Variants in MTA3 observed in about 807,000 individuals in gnomAD.
MTA3 encodes metastasis-associated protein MTA3.
In MTA3, 34 loss-of-function variants were observed where a neutral mutation model predicts 83.5. The observed-to-expected ratio is 0.41, with a 90% CI of 0.31 to 0.54. The LOEUF (loss-of-function observed/expected upper bound fraction) is 0.54, where lower values mean the gene tolerates loss of function less well. Among genes scored for constraint, MTA3 ranks in the 20% least tolerant of loss-of-function variants. MTA3 has a pLI of 0.33. For synonymous variants in MTA3, 303 were observed against 252.7 expected (o/e 1.20, Z -1.89); for missense variants, 761 against 726.4 (o/e 1.05, Z -0.55).
chr2:42,622,378 CATGAGAGGGAG>C (rs1457343726), intron 4 of MTA3, among the ~76,000 whole-genome samples: 2 of 115,624 alleles, frequency 1.7e-5, no homozygotes, highest in Non-Finnish European at 3.2e-5. Context: ...TTCGGCTCGG[CATGAGAGGGAG>C]ACCGTGGGGA....
rs1553340692 is a variant in MTA3, at chr2:42,548,833, T to TATATATATA, written c.-140-21603_-140-21595dup. Among the ~76,000 whole-genome samples, 18 of 11,514 alleles carry TATATATATA rather than the reference T, an allele frequency of 1.6e-3. 1 individual carries two copies. The highest frequency in any genetic ancestry group is 4.1e-3 in the Admixed American group (2 of 482). The allele number at this position is 11,514 out of a possible 152,430, so 7.6% of individuals were successfully genotyped here. On this transcript the variant is annotated intron_variant, in intron 2 of 17. Transcript: ENST00000405592. ...AAAATATATATATATATATATAATA[T>TATATATATA]ATATATATATATAATATATATATAT... is the stretch of plus-strand genomic sequence containing the variant.
intron 2 of MTA3, among the ~76,000 whole-genome samples, chr2:42,577,805 C>CA (rs1679221774): frequency 1.3e-5 from 2 of 151,932 alleles, no homozygotes; most frequent in Admixed American, 6.6e-5. Flanking sequence ...CAAGAAGAGA[C>CA]AAAAATCACA....
At chr2:42,633,576 C>T (rs1686890135) in intron 4 of MTA3, among the ~76,000 whole-genome samples, 2 of 151,356 alleles carry the variant, frequency 1.3e-5, no homozygotes, top group South Asian at 4.2e-4. Context: ...GAGATCCTGT[C>T]TCAAAAAAGA....
intron 3 of MTA3, among the ~76,000 whole-genome samples, chr2:42,609,133 C>T (rs1429421678): frequency 6.6e-6 from 1 of 150,576 alleles, no homozygotes; most frequent in Non-Finnish European, 1.5e-5. Flanking sequence ...TGGATTCAAG[C>T]AGTTCTCCTG....
chr2:42,630,294 A>G (rs1686548711), intron 4 of MTA3, among the ~76,000 whole-genome samples: 1 of 152,206 alleles, frequency 6.6e-6, no homozygotes, highest in African/African-American at 2.4e-5. Flanking sequence ...CATAACCTGC[A>G]TGCAATTCTT....
intron 2 of MTA3, among the ~76,000 whole-genome samples, chr2:42,537,929 A>G (rs187132027): frequency 7.2e-5 from 11 of 152,250 alleles, no homozygotes; most frequent in African/African-American, 2.6e-4. Flanking sequence ...TTCAGCAAAT[A>G]ACAATGATAA....
At chr2:42,715,583 T>G (rs1318698171) in intron 14 of MTA3, among the ~76,000 whole-genome samples, 1 of 152,120 alleles carries the variant, frequency 6.6e-6, no homozygotes, top group African/African-American at 2.4e-5. Context: ...ATATGCTTCT[T>G]TCTAAAAAGC....
chr2:42,675,127 T>G (rs1691220235), intron 8 of MTA3, among the ~76,000 whole-genome samples: 1 of 151,884 alleles, frequency 6.6e-6, no homozygotes, highest in South Asian at 2.1e-4. Context: ...AAATTCCTTT[T>G]CTATTTCTTT....
At chr2:42,643,491 G>T (rs1026953425) in intron 5 of MTA3, among the ~76,000 whole-genome samples, 1 of 152,138 alleles carries the variant, frequency 6.6e-6, no homozygotes, top group Non-Finnish European at 1.5e-5. Context: ...TGTGTATGCT[G>T]TTGGTGAGCA....
At chr2:42,622,587 T>G (rs1023966901) in intron 4 of MTA3, among the ~76,000 whole-genome samples, 1 of 152,198 alleles carries the variant, frequency 6.6e-6, no homozygotes, top group African/African-American at 2.4e-5. Flanking sequence ...TTGATACATA[T>G]GTATCCAACG....
At chr2:42,595,618 T>G (rs1015633318) in intron 3 of MTA3, among the ~76,000 whole-genome samples, 1 of 152,206 alleles carries the variant, frequency 6.6e-6, no homozygotes, top group African/African-American at 2.4e-5. Context: ...TGACTTCTTC[T>G]CCTATTAGAA....
chr2:42,516,261 A>G (rs1675141411), intron 2 of MTA3, among the ~76,000 whole-genome samples: 1 of 152,182 alleles, frequency 6.6e-6, no homozygotes, highest in Admixed American at 6.6e-5. Flanking sequence ...AGTCAATATT[A>G]AAGTAAAGGG....
intron 2 of MTA3, among the ~76,000 whole-genome samples, chr2:42,549,067 G>C (rs1293094159): frequency 7.3e-6 from 1 of 136,192 alleles, no homozygotes; most frequent in Non-Finnish European, 1.5e-5. Flanking sequence ...CCAGCTACTC[G>C]GAGGCTGAGA....
At chr2:42,675,377 G>A (rs141568290) in intron 8 of MTA3, among the ~76,000 whole-genome samples, 3 of 152,166 alleles carry the variant, frequency 2.0e-5, no homozygotes, top group African/African-American at 7.2e-5. Context: ...CTCGTGGTCC[G>A]CCTGCGTTGG....
chr2:42,568,990 C>T (rs890998797), intron 1 of MTA3, among the ~76,000 whole-genome samples: 17 of 151,926 alleles, frequency 1.1e-4, no homozygotes, highest in African/African-American at 4.1e-4. Context: ...GCCACCTTCA[C>T]CCTCGCACCC....
chr2:42,575,725 C>G (rs925475336), intron 2 of MTA3, among the ~76,000 whole-genome samples: 3 of 152,214 alleles, frequency 2.0e-5, no homozygotes, highest in African/African-American at 7.2e-5. Context: ...AACCTTACAC[C>G]TTAAGGTAGC....
intron 3 of MTA3, among the ~76,000 whole-genome samples, chr2:42,580,091 GC>G (rs1679450881): frequency 6.6e-6 from 1 of 152,032 alleles, no homozygotes; most frequent in African/African-American, 2.4e-5. Context: ...CCACAGGTGT[GC>G]ACCACGACAC....
chr2:42,592,679 A>G (rs1025829991), intron 3 of MTA3, among the ~76,000 whole-genome samples: 4 of 152,218 alleles, frequency 2.6e-5, no homozygotes, highest in South Asian at 4.1e-4. Flanking sequence ...AGGATCATCA[A>G]TATCACTGTC....
intron 2 of MTA3, among the ~76,000 whole-genome samples, chr2:42,504,045 T>C (rs1674518441): frequency 6.6e-6 from 1 of 150,698 alleles, no homozygotes. Flanking sequence ...TGCCTCAGCC[T>C]TCTGAGTAGC....
Sources: gnomAD v4.1 joint callset for allele counts (sites outside exome capture counted in the v4.1 genomes callset) on GRCh38, gnomAD v4.1.1 for gene constraint, MANE v1.5 for transcripts, NCBI Gene and HGNC (gene_info 2026-07-23, HGNC 2026-07-21) for gene names.